KRIT1: variants seen among roughly 807,000 people sequenced by gnomAD.
KRIT1 encodes the protein KRIT1 ankyrin repeat containing.
KRIT1 carries 45 observed loss-of-function variants against 95.8 expected under a neutral mutation model. That is an observed-to-expected ratio of 0.47 (90% confidence interval 0.37 to 0.60). The LOEUF (loss-of-function observed/expected upper bound fraction) is 0.60, where lower values mean the gene tolerates loss of function less well. Among genes scored for constraint, KRIT1 ranks in the 20% least tolerant of loss-of-function variants. The pLI is 0.00. For missense variants in KRIT1, 788 were observed against 877.5 expected (o/e 0.90, Z 1.29); for synonymous variants, 282 against 278.8 (o/e 1.01, Z -0.11).
chr7:92,200,729 TTC>T lies in KRIT1; in HGVS notation c.*5_*6del. ...ATGTGGTGGCTTGAGTAACAGTTAC[TTC>T]TCTTTCATGAATTTCTTTCAGTGGG... is the stretch of plus-strand genomic sequence containing the variant. On this transcript the variant is annotated 3_prime_UTR_variant, in exon 19 of 19. Transcript: ENST00000394505. 6.4e-7 allele frequency: 1 copy of T among 1,570,440 alleles called. No homozygotes were observed. Among genetic ancestry groups the T allele is most frequent in the East Asian group, 2.2e-5 (1 of 44,664 alleles).
chr7:92,239,380 T>C (rs1429278809), intron 5 of KRIT1, among the ~76,000 whole-genome samples: 4 of 152,218 alleles, frequency 2.6e-5, no homozygotes, highest in South Asian at 2.1e-4. Context: ...AGCTCAAATA[T>C]GTGATTTAGG....
chr7:92,238,449 T>A (rs1391856438), intron 5 of KRIT1, among the ~76,000 whole-genome samples: 1 of 152,196 alleles, frequency 6.6e-6, no homozygotes, highest in Non-Finnish European at 1.5e-5. Context: ...GGCAGGTAAA[T>A]GATAAGACTT....
At chr7:92,245,200 G>A (rs913865989) in intron 1 of KRIT1, 29 bp from the exon 2 acceptor site, 1 of 151,860 alleles carries the variant, frequency 6.6e-6, no homozygotes. Flanking sequence ...GTGTAGAGGC[G>A]AGAAGTGAGT....
At chr7:92,228,242 G>A (rs904512673) in intron 10 of KRIT1, among the ~76,000 whole-genome samples, 2 of 152,168 alleles carry the variant, frequency 1.3e-5, no homozygotes, top group Non-Finnish European at 2.9e-5. Context: ...GTAAGCAAAG[G>A]TCTCAGAAGA....
At chr7:92,222,183 A>C in intron 13 of KRIT1, 130 bp from the exon 14 acceptor site, 1 of 698,168 alleles carries the variant, frequency 1.4e-6, no homozygotes, top group South Asian at 1.8e-5. Flanking sequence ...TCTAAAATTA[A>C]CATTTTAATC....
rs1366332059 is a variant in KRIT1, at chr7:92,199,574, A to C, written c.*1162T>G. The C allele has an allele frequency of 1.3e-5, 2 of 152,184 alleles. No homozygotes were observed. Among genetic ancestry groups the C allele is most frequent in the Non-Finnish European group, 1.5e-5 (1 of 68,018 alleles). The allele number at this position is 152,184 out of a possible 1,614,324, so 9.4% of individuals were successfully genotyped here. Reference sequence around the variant, plus strand: ...CCTACAAAGCAAAGTCAATATACATAAACTATTAAGTCAACTCATAAAAAA... The same window carrying C: ...CCTACAAAGCAAAGTCAATATACATCAACTATTAAGTCAACTCATAAAAAA... On this transcript the variant is annotated 3_prime_UTR_variant, in exon 19 of 19. Transcript: ENST00000394505.
At chr7:92,240,259 T>C (rs1799340401) in intron 5 of KRIT1, among the ~76,000 whole-genome samples, 1 of 152,152 alleles carries the variant, frequency 6.6e-6, no homozygotes, top group Non-Finnish European at 1.5e-5. Context: ...ATCTCTTTAC[T>C]GAAACATATG....
intron 10 of KRIT1, among the ~76,000 whole-genome samples, chr7:92,229,791 G>A (rs1796914003): frequency 6.6e-6 from 1 of 152,084 alleles, no homozygotes; most frequent in Admixed American, 6.5e-5. Context: ...CTATCAGCCT[G>A]GAAGCTCCTT....
chr7:92,228,199 A>C (rs1232889747), intron 10 of KRIT1, among the ~76,000 whole-genome samples: 1 of 152,036 alleles, frequency 6.6e-6, no homozygotes, highest in Admixed American at 6.5e-5. Context: ...GATGTTGAAG[A>C]GAAGTAAAAT....
chr7:92,205,239 G>A (rs1267031621), intron 17 of KRIT1, among the ~76,000 whole-genome samples: 1 of 152,062 alleles, frequency 6.6e-6, no homozygotes, highest in Non-Finnish European at 1.5e-5. Flanking sequence ...CCATCTAGTT[G>A]GGAGGCTGAG....
intron 14 of KRIT1, among the ~76,000 whole-genome samples, chr7:92,215,824 C>T (rs959965551): frequency 6.6e-6 from 1 of 151,400 alleles, no homozygotes; most frequent in African/African-American, 2.4e-5. Flanking sequence ...TTGAGAAATC[C>T]TAGCCTACAG....
intron 14 of KRIT1, among the ~76,000 whole-genome samples, chr7:92,221,539 GTTTCTC>G (rs1418763221): frequency 2.0e-5 from 3 of 152,138 alleles, no homozygotes; most frequent in Non-Finnish European, 2.9e-5. Flanking sequence ...CCACACCAGT[GTTTCTC>G]TTTCTTCCTT....
intron 14 of KRIT1, among the ~76,000 whole-genome samples, chr7:92,218,336 T>C (rs779132689): frequency 6.6e-6 from 1 of 151,196 alleles, no homozygotes; most frequent in Non-Finnish European, 1.5e-5. Flanking sequence ...TCCCACCTCA[T>C]CCTTCCAAAG....
At chr7:92,217,454 A>C (rs1794220557) in intron 14 of KRIT1, among the ~76,000 whole-genome samples, 1 of 152,162 alleles carries the variant, frequency 6.6e-6, no homozygotes, top group Non-Finnish European at 1.5e-5. Flanking sequence ...AGCACCTCTG[A>C]TAACCTCCAA....
At chr7:92,220,764 G>A (rs989304943) in intron 14 of KRIT1, among the ~76,000 whole-genome samples, 15 of 138,260 alleles carry the variant, frequency 1.1e-4, no homozygotes, top group African/African-American at 2.5e-4. Context: ...GCACGATCTC[G>A]GCTCACTGCA....
chr7:92,222,387 A>G lies in KRIT1; in HGVS notation c.1412-334T>C, dbSNP rs1448845447. Among the ~76,000 whole-genome samples, 3 of 152,218 alleles carry G rather than the reference A, an allele frequency of 2.0e-5. No homozygotes were observed. The East Asian group carries it at 5.8e-4, about 29-fold the overall frequency. On this transcript the variant is annotated intron_variant, in intron 13 of 18. Transcript: ENST00000394505. ...CATTAAATAACCAATCACATCGATCAAATTCTTTATGTATGTGTAATACTT... is the reference window on the plus strand; with the variant it reads ...CATTAAATAACCAATCACATCGATCGAATTCTTTATGTATGTGTAATACTT...
Position 92,225,782 on chromosome 7 carries a change from C to G in KRIT1, c.1192G>C (p.Glu398Gln). The G allele has an allele frequency of 6.2e-7, 1 of 1,610,886 alleles. No homozygotes were observed. The change falls in exon 12 of 19, where the codon GAA becomes CAA. Residue 398 changes from glutamate to glutamine, a missense_variant. This residue lies in a region of KRIT1 where 493 missense variants were observed against 582.3 expected (regional missense o/e 0.85). Transcript: ENST00000394505. ...TCTTCCCAGTTGTTTTGTTTGTTTT[C>G]TTCACAAATATTTAATGGAGATCTT... ...QGRSPLNICEENKQNNWEEAA... is the reference protein window; with the variant it reads ...QGRSPLNICEQNKQNNWEEAA...
chr7:92,204,688 G>A lies in KRIT1; in HGVS notation c.2026-3265C>T, dbSNP rs559975374. Reference sequence around the variant, plus strand: ...GTTCCTATAAGAATCTAATGCCACCGTTGATCTGACAGGAGGCAGAGCTCA... The same window carrying A: ...GTTCCTATAAGAATCTAATGCCACCATTGATCTGACAGGAGGCAGAGCTCA... On this transcript the variant is annotated intron_variant, in intron 17 of 18. Coordinates refer to ENST00000394505, the MANE Select transcript of KRIT1 (RefSeq NM_194454.3). Among the ~76,000 whole-genome samples, 6 of 152,158 alleles carry A rather than the reference G, an allele frequency of 3.9e-5. 1 individual carries two copies. In the South Asian group the frequency reaches 8.3e-4, roughly 21 times the overall value.
intron 10 of KRIT1, among the ~76,000 whole-genome samples, chr7:92,227,092 C>T (rs1381453882): frequency 1.3e-5 from 2 of 151,894 alleles, no homozygotes; most frequent in Non-Finnish European, 2.9e-5. Context: ...CAAAATAGGC[C>T]CAAAGATGTA....
Sources: gnomAD v4.1 joint callset for allele counts (sites outside exome capture counted in the v4.1 genomes callset) on GRCh38, gnomAD v4.1.1 for gene constraint, gnomAD v4.1.1 regional missense constraint, MANE v1.5 for transcripts, NCBI Gene and HGNC (gene_info 2026-07-23, HGNC 2026-07-21) for gene names.